Variants in KCNC4 observed in about 807,000 individuals in gnomAD.
KCNC4 encodes voltage-gated potassium channel KCNC4.
A neutral mutation model predicts 42.8 loss-of-function variants in KCNC4; 23 were observed. The observed-to-expected ratio is 0.54, with a 90% CI of 0.39 to 0.76. KCNC4 has a LOEUF of 0.76. Ranked by LOEUF, KCNC4 falls within the 30% of genes least tolerant of loss-of-function variation. The pLI, the probability that KCNC4 is intolerant of heterozygous loss-of-function variation, is 0.00. For missense variants in KCNC4, 751 were observed against 898.2 expected (o/e 0.84, Z 2.10); for synonymous variants, 422 against 393.5 (o/e 1.07, Z -0.86).
Position 110,212,081 on chromosome 1 carries a change from A to T in KCNC4, c.582A>T (p.Gly194=). 6.5e-7 allele frequency: 1 copy of T among 1,534,108 alleles called. No individual in the cohort carries two copies. The highest frequency in any genetic ancestry group is 8.7e-7 in the Non-Finnish European group (1 of 1,150,030). The change falls in exon 1 of 4, where the codon GGA becomes GGT. Residue 194 remains glycine (G), a synonymous_variant. Coordinates refer to ENST00000438661, the MANE Select transcript of KCNC4 (RefSeq NM_001039574.3). ...TGCAGCGACTGGGCCCCCACGAGGG[A>T]GGCGCGGGCCATGGCGCCGGGTCTG... ...LALQRLGPHE[G]GAGHGAGSGG...
intron 1 of KCNC4, among the ~76,000 whole-genome samples, chr1:110,264,043 A>G (rs999671532): frequency 2.6e-5 from 4 of 152,136 alleles, no homozygotes; most frequent in Non-Finnish European, 5.9e-5. Context: ...TTTTAACTGA[A>G]CAGGTGTCTT....
chr1:110,263,705 C>G (rs767856324), intron 1 of KCNC4, among the ~76,000 whole-genome samples: 1 of 152,050 alleles, frequency 6.6e-6, no homozygotes, highest in Non-Finnish European at 1.5e-5. Flanking sequence ...CAGTTTTATA[C>G]ATAGAATAAG....
intron 2 of KCNC4, chr1:110,282,712 C>T (rs1187811815): frequency 6.6e-6 from 1 of 152,228 alleles, no homozygotes; most frequent in Admixed American, 6.5e-5. Flanking sequence ...TTGCTGTGGA[C>T]CAGGGGATGG....
At chr1:110,278,357 T>C (rs1048745649) in intron 1 of KCNC4, among the ~76,000 whole-genome samples, 2 of 152,030 alleles carry the variant, frequency 1.3e-5, no homozygotes, top group Non-Finnish European at 2.9e-5. Context: ...CTGGGGACAT[T>C]TGGTAGCATC....
chr1:110,244,860 T>C (rs975209382), exon 4 of KCNC4: 1 of 152,270 alleles, frequency 6.6e-6, no homozygotes, highest in African/African-American at 2.4e-5. Context: ...GCAACTTGCT[T>C]AACTTGGCTG....
At chr1:110,245,833 C>T (rs1436874469) in exon 4 of KCNC4, 5 of 152,194 alleles carry the variant, frequency 3.3e-5, no homozygotes, top group Non-Finnish European at 4.4e-5. Flanking sequence ...CTCTTTCTGA[C>T]ATTGAGAGGG....
At chr1:110,226,520 C>T (rs1246369800) in intron 3 of KCNC4, among the ~76,000 whole-genome samples, 1 of 152,224 alleles carries the variant, frequency 6.6e-6, no homozygotes, top group African/African-American at 2.4e-5. Flanking sequence ...CCCCATTCCA[C>T]AGGGTCACTG....
chr1:110,281,068 G>A (rs562721980), intron 1 of KCNC4, among the ~76,000 whole-genome samples: 1 of 152,298 alleles, frequency 6.6e-6, no homozygotes, highest in East Asian at 1.9e-4. Context: ...TGTGGTGGTG[G>A]TGGTGGTGGT....
intron 1 of KCNC4, among the ~76,000 whole-genome samples, chr1:110,274,458 G>T (rs2885144): frequency 2.6e-5 from 4 of 152,062 alleles, no homozygotes; most frequent in African/African-American, 7.3e-5. Flanking sequence ...TACAGATTCA[G>T]TGCAATCCTT....
At chr1:110,229,823 C>T (rs960393975) in intron 3 of KCNC4, among the ~76,000 whole-genome samples, 1 of 152,188 alleles carries the variant, frequency 6.6e-6, no homozygotes, top group African/African-American at 2.4e-5. Context: ...AAGGTTGCCT[C>T]AGCCAAGACG....
intron 1 of KCNC4, among the ~76,000 whole-genome samples, chr1:110,215,243 G>C (rs896499504): frequency 4.6e-5 from 7 of 152,254 alleles, no homozygotes; most frequent in African/African-American, 1.7e-4. Context: ...CAGGCTCCTG[G>C]ACTGGGATGC....
In KCNC4 at chr1:110,225,996, C is replaced by G. The variant is rs373438977; in HGVS notation, c.1637C>G (p.Ala546Gly). ...KRADSKQNGD[A>G]NAVLSDEEGA... The stretch of plus-strand genomic sequence containing the variant: ...TCAGACTCTAAGCAGAATGGCGATG[C>G]CAACGCAGTGCTGTCTGATGAGGAG... The change falls in exon 3 of 4, where the codon GCC becomes GGC. Residue 546 changes from alanine (A) to glycine (G), a missense_variant. Ala to Gly is a moderately conservative substitution (Grantham distance 60). Around this residue, in one of 4 missense-constraint regions of KCNC4, gnomAD observed 202 missense variants for 181.5 expected, o/e 1.11. Coordinates refer to ENST00000438661, the MANE Select transcript of KCNC4 (RefSeq NM_001039574.3). 2.5e-6 allele frequency: 4 copies of G among 1,602,984 alleles called. No homozygotes were observed. Among genetic ancestry groups the G allele is most frequent in the Non-Finnish European group, 3.4e-6 (4 of 1,172,368 alleles).
chr1:110,249,293 G>C (rs900624347), downstream of KCNC4, among the ~76,000 whole-genome samples: 3 of 151,878 alleles, frequency 2.0e-5, no homozygotes, highest in African/African-American at 4.9e-5. Flanking sequence ...GCAGACAATT[G>C]CAAGAATATG....
At chr1:110,249,608 G>T (rs1481508218), downstream of KCNC4, among the ~76,000 whole-genome samples, 1 of 152,170 alleles carries the variant, frequency 6.6e-6, no homozygotes, top group Non-Finnish European at 1.5e-5. Context: ...AGGATCAGCT[G>T]ATAATTAGGC....
chr1:110,278,155 A>AAAGAAAAG (rs386368042), intron 1 of KCNC4, among the ~76,000 whole-genome samples: 3 of 17,766 alleles, frequency 1.7e-4, no homozygotes, highest in South Asian at 1.4e-3. Context: ...TCAAGAAAGA[A>AAAGAAAAG]AAGGAAGGAA....
chr1:110,250,637 A>G (rs903710995), downstream of KCNC4, among the ~76,000 whole-genome samples: 1 of 152,216 alleles, frequency 6.6e-6, no homozygotes, highest in African/African-American at 2.4e-5. Context: ...GGGATGAATT[A>G]GTTTTGAGAC....
exon 4 of KCNC4, chr1:110,245,620 A>T (rs924806418): frequency 6.6e-6 from 1 of 152,240 alleles, no homozygotes; most frequent in Non-Finnish European, 1.5e-5. Flanking sequence ...CATACCAGCA[A>T]CCATAAGGAA....
downstream of KCNC4, among the ~76,000 whole-genome samples, chr1:110,283,658 C>T (rs1046240075): frequency 5.9e-5 from 9 of 152,254 alleles, no homozygotes; most frequent in South Asian, 6.2e-4. Context: ...TCTTTAGCTA[C>T]GTTTAGTCCT....
chr1:110,276,278 C>G (rs1659723889), intron 1 of KCNC4, among the ~76,000 whole-genome samples: 1 of 118,322 alleles, frequency 8.5e-6, no homozygotes, highest in Non-Finnish European at 1.7e-5. Flanking sequence ...AAAAGCTGCA[C>G]TTATATCCTT....
Sources: allele counts gnomAD v4.1 joint callset (sites outside exome capture counted in the v4.1 genomes callset), GRCh38; gene constraint gnomAD v4.1.1; regional missense constraint gnomAD v4.1.1; transcripts MANE v1.5; gene names NCBI Gene and HGNC (gene_info 2026-07-23, HGNC 2026-07-21).